PPA1: variants seen among roughly 807,000 people sequenced by gnomAD.
The protein encoded by PPA1 is inorganic pyrophosphatase.
In PPA1, 23 loss-of-function variants were observed where a neutral mutation model predicts 41.8. The ratio of observed to expected loss-of-function variants is 0.55; its 90% CI spans 0.40 to 0.78. The LOEUF (loss-of-function observed/expected upper bound fraction) is 0.78. Ranked by LOEUF, PPA1 falls within the 30% of genes least tolerant of loss-of-function variation. The pLI, the probability that PPA1 is intolerant of heterozygous loss-of-function variation, is 0.00. For synonymous variants in PPA1, 101 were observed against 116.8 expected (o/e 0.86, Z 0.87); for missense variants, 320 against 361.6 (o/e 0.89, Z 0.93).
intron 2 of PPA1, among the ~76,000 whole-genome samples, chr10:70,220,494 TTATA>T (rs1309868839): frequency 9.6e-6 from 1 of 103,830 alleles, no homozygotes; most frequent in Non-Finnish European, 1.8e-5. Context: ...TTTATATATA[TTATA>T]TAATTTTATA....
chr10:70,207,451 T>G (rs1165395602), intron 8 of PPA1, among the ~76,000 whole-genome samples: 2 of 152,136 alleles, frequency 1.3e-5, no homozygotes, highest in Non-Finnish European at 2.9e-5. Flanking sequence ...AGAGGATCAC[T>G]TAAAGCCAGG....
intron 2 of PPA1, among the ~76,000 whole-genome samples, chr10:70,228,432 C>T (rs779308937): frequency 3.3e-5 from 5 of 152,112 alleles, no homozygotes; most frequent in Non-Finnish European, 5.9e-5. Context: ...TACCTGTATG[C>T]CAGGGTATTA....
intron 3 of PPA1, 104 bp downstream of exon 3, chr10:70,218,660 A>C: frequency 6.7e-6 from 6 of 888,964 alleles, no homozygotes; most frequent in Non-Finnish European, 1.1e-5. Context: ...GGGACCAGAC[A>C]GAGAAAAACC....
At chr10:70,214,942 T>C (rs7897123) in intron 4 of PPA1, among the ~76,000 whole-genome samples, 135,924 of 152,274 alleles carry the variant, frequency 0.89, 60,846 homozygotes, top group East Asian at 1. Context: ...TGCCTGTAAT[T>C]CCAGCACTTT....
intron 2 of PPA1, among the ~76,000 whole-genome samples, chr10:70,223,916 A>G (rs145650755): frequency 3.9e-5 from 6 of 152,110 alleles, no homozygotes; most frequent in African/African-American, 1.4e-4. Context: ...CTCCAATCCT[A>G]CCATGCTTTG....
Position 70,233,397 on chromosome 10 carries a change from G to A in PPA1, c.-70C>T, listed in dbSNP as rs1050856480. On this transcript the variant is annotated 5_prime_UTR_variant, in exon 1 of 11. Transcript: ENST00000373232. Reference sequence around the variant, plus strand: ...CGCACGCGGCGCCGACTGACAAGGAGAGAGCCCCACGCCTGCGCACTGCGA... The same window carrying A: ...CGCACGCGGCGCCGACTGACAAGGAAAGAGCCCCACGCCTGCGCACTGCGA... 4 of 1,517,702 alleles carry A rather than the reference G, an allele frequency of 2.6e-6. No individual in the cohort carries two copies. The highest frequency in any genetic ancestry group is 1.4e-5 in the African/African-American group (1 of 70,458). The allele number at this position is 1,517,702 out of a possible 1,614,324, so 94.0% of individuals were successfully genotyped here. A position where few individuals can be genotyped will look rare whatever the true frequency, so the allele number is the denominator to read the frequency against.
chr10:70,211,814 C>G (rs147341206), intron 6 of PPA1, among the ~76,000 whole-genome samples: 19 of 152,324 alleles, frequency 1.2e-4, no homozygotes, highest in Non-Finnish European at 2.2e-4. Flanking sequence ...TGGAAATGCA[C>G]ACACGGACCA....
rs186651322 is a variant in PPA1 at position 70,228,151 on chromosome 10, G to A, written c.123+2190C>T. ...AACTTGTGCTTTTGAGCTGGGACAGGGCGTGCCAAGGGCAGAGTCTTCCTT... is the reference window on the plus strand; with the variant it reads ...AACTTGTGCTTTTGAGCTGGGACAGAGCGTGCCAAGGGCAGAGTCTTCCTT... On this transcript the variant is annotated intron_variant, in intron 2 of 10. Coordinates refer to ENST00000373232, the MANE Select transcript of PPA1 (RefSeq NM_021129.4). Among the ~76,000 whole-genome samples the A allele has an allele frequency of 6.3e-3, 963 of 152,306 alleles. 6 individuals carry two copies. The highest frequency in any genetic ancestry group is 0.026 in the South Asian group (125 of 4,826).
chr10:70,223,427 G>T (rs1042523153), intron 2 of PPA1, among the ~76,000 whole-genome samples: 2 of 152,044 alleles, frequency 1.3e-5, no homozygotes, highest in African/African-American at 4.8e-5. Context: ...ACTATGTTGA[G>T]CAGGCTGGTC....
At chr10:70,204,643 A>G (rs1839916772) in intron 10 of PPA1, 1 of 425,876 alleles carries the variant, frequency 2.3e-6, no homozygotes, top group Non-Finnish European at 4.2e-6. Flanking sequence ...AAAATTGCTA[A>G]GAGTAGATTT....
chr10:70,207,821 T>C (rs1295349073), intron 8 of PPA1, among the ~76,000 whole-genome samples: 1 of 152,232 alleles, frequency 6.6e-6, no homozygotes, highest in Non-Finnish European at 1.5e-5. Flanking sequence ...AAATACATTT[T>C]ATTTTTGTTT....
chr10:70,207,058 T>C (rs1329099383), intron 8 of PPA1, among the ~76,000 whole-genome samples: 1 of 152,042 alleles, frequency 6.6e-6, no homozygotes, highest in African/African-American at 2.4e-5. Flanking sequence ...AACAGACACT[T>C]CTGGCAGGAG....
rs10686040 is a variant in PPA1 at position 70,223,217 on chromosome 10, A to AAGAGAGAGAGAGAGAGAGAG, written c.124-4401_124-4400insCTCTCTCTCTCTCTCTCTCT. ...CTGTCTCTTAAAAAACATTTTTTTA[A>AAGAGAGAGAGAGAGAGAGAG]AGAGAGAGAGAGAGAGAGACGGGGT... On this transcript the variant is annotated intron_variant, in intron 2 of 10. Transcript: ENST00000373232. Among the ~76,000 whole-genome samples, 7 of 148,830 alleles carry AAGAGAGAGAGAGAGAGAGAG rather than the reference A, an allele frequency of 4.7e-5. No individual in the cohort carries two copies. In the East Asian group the frequency reaches 1.2e-3, roughly 26 times the overall value.
At position 70,209,310 on chromosome 10, in the gene PPA1, G is replaced by A. The variant is rs1007409202; in HGVS notation, c.640-20C>T. 1 of 1,510,514 alleles carries A rather than the reference G, an allele frequency of 6.6e-7. No individual in the cohort carries two copies. 93.6% of individuals were successfully genotyped at this position (1,510,514 alleles called of 1,614,324 possible). The stretch of plus-strand genomic sequence containing the variant: ...AAAGTCCTATAATTTGAAGAGGTTT[G>A]CATTACAATGATAAAAAGGTATTAT... On this transcript the variant is annotated intron_variant, in intron 7 of 10. Transcript: ENST00000373232.
At chr10:70,216,502 A>T (rs923211417) in intron 4 of PPA1, among the ~76,000 whole-genome samples, 14 of 140,404 alleles carry the variant, frequency 1.0e-4, no homozygotes, top group South Asian at 2.3e-4. Flanking sequence ...AAAAAAAAAA[A>T]TTTCAATTAA....
chr10:70,205,345 C>T (rs774847736), intron 9 of PPA1: 1 of 147,970 alleles, frequency 6.8e-6, no homozygotes, highest in Non-Finnish European at 1.5e-5. Flanking sequence ...CACTGCACTC[C>T]AGTCTGGGCA....
chr10:70,230,424 A>G (rs1268257449), intron 1 of PPA1, 25 bp from the exon 2 acceptor site: 1 of 1,578,206 alleles, frequency 6.3e-7, no homozygotes, highest in African/African-American at 1.4e-5. Flanking sequence ...AGAAAAAGTT[A>G]TTACTATAAT....
chr10:70,209,549 A>G lies in PPA1; in HGVS notation c.639+9T>C. ...GAGCCTAAAGCTACAGTTCTGAATGACATATTACCTTATCTTTAAATTCTG... is the reference window on the plus strand; with the variant it reads ...GAGCCTAAAGCTACAGTTCTGAATGGCATATTACCTTATCTTTAAATTCTG... On this transcript the variant is annotated intron_variant, in intron 7 of 10. Transcript: ENST00000373232. The G allele has an allele frequency of 6.3e-7, 1 of 1,590,932 alleles. No homozygotes were observed. The highest frequency in any genetic ancestry group is 8.5e-7 in the Non-Finnish European group (1 of 1,174,376).
chr10:70,229,154 G>GA (rs1840261451), intron 2 of PPA1, among the ~76,000 whole-genome samples: 1 of 152,150 alleles, frequency 6.6e-6, no homozygotes, highest in Non-Finnish European at 1.5e-5. Context: ...GAAAAGATGT[G>GA]TTTTTTAAAA....
Sources: allele counts gnomAD v4.1 joint callset (sites outside exome capture counted in the v4.1 genomes callset), GRCh38; gene constraint gnomAD v4.1.1; transcripts MANE v1.5; gene names NCBI Gene and HGNC (gene_info 2026-07-23, HGNC 2026-07-21).